The following MYO1C variants were observed in gnomAD, a reference collection of about 807,000 sequenced individuals.
MYO1C encodes the protein unconventional myosin-Ic.
Under a neutral mutation model 150.8 loss-of-function variants are expected in MYO1C, and 104 were observed. The ratio of observed to expected loss-of-function variants is 0.69; its 90% CI spans 0.59 to 0.81. The LOEUF (loss-of-function observed/expected upper bound fraction) is 0.81. Ranked by LOEUF, MYO1C falls within the 30% of genes least tolerant of loss-of-function variation. The pLI, the probability that MYO1C is intolerant of heterozygous loss-of-function variation, is 0.00. For missense variants in MYO1C, 1,504 were observed against 1,435.0 expected (o/e 1.05, Z -0.78); for synonymous variants, 663 against 579.9 (o/e 1.14, Z -2.06).
Position 1,471,220 on chromosome 17 carries a change from C to A in MYO1C, c.2135+3G>T. ...GCAGGCACCCGGCACGGACACTACC[C>A]ACCTGCCCATCTTGTACTCTTCTGG... On this transcript the variant is annotated splice_donor_region_variant and intron_variant, in intron 20 of 31. Coordinates refer to ENST00000648651, the MANE Select transcript of MYO1C (RefSeq NM_001080779.2). 1 of 1,613,956 alleles carries A rather than the reference C, an allele frequency of 6.2e-7. No individual in the cohort carries two copies. The highest frequency in any genetic ancestry group is 8.5e-7 in the Non-Finnish European group (1 of 1,179,940).
chr17:1,484,390 CG>C (rs1198315447), intron 1 of MYO1C, 87 bp from the exon 2 acceptor site: 7 of 1,521,006 alleles, frequency 4.6e-6, no homozygotes, highest in Non-Finnish European at 6.3e-6. Context: ...TGAGAGGGAA[CG>C]TAGGGGCTTG....
At position 1,480,717 on chromosome 17, in the gene MYO1C, A is replaced by C; in HGVS notation, c.796T>G (p.Tyr266Asp). 6 of 1,614,122 alleles carry C rather than the reference A, an allele frequency of 3.7e-6. No homozygotes were observed. The highest frequency in any genetic ancestry group is 5.1e-6 in the Non-Finnish European group (6 of 1,179,988). The change falls in exon 6 of 32, where the codon TAC becomes GAC. Residue 266 changes from tyrosine (Y) to aspartate (D), a missense_variant. Tyr to Asp is a radical substitution (Grantham distance 160). Coordinates refer to ENST00000648651, the MANE Select transcript of MYO1C (RefSeq NM_001080779.2). Reference sequence around the variant, plus strand: ...TGCCAGCCACTCACCTTCACCAGGTACAGGTAGCTCTGGGGGTTCCGTTCC... The same window carrying C: ...TGCCAGCCACTCACCTTCACCAGGTCCAGGTAGCTCTGGGGGTTCCGTTCC... Reference protein sequence around the residue: ...GLERNPQSYLYLVKGQCAKVS... With the variant: ...GLERNPQSYLDLVKGQCAKVS...
chr17:1,482,341 TG>T, intron 5 of MYO1C, 136 bp downstream of exon 5: 1 of 813,400 alleles, frequency 1.2e-6, no homozygotes, highest in Non-Finnish European at 2.1e-6. Context: ...TTTATCACCC[TG>T]GAAGGCAGGA....
At chr17:1,483,548 T>C (rs778348036) in intron 3 of MYO1C, 62 bp downstream of exon 3, 1 of 1,206,156 alleles carries the variant, frequency 8.3e-7, no homozygotes, top group Non-Finnish European at 1.2e-6. Flanking sequence ...AGGTAAGGGT[T>C]GGGCGGGGTC....
Position 1,471,239 on chromosome 17 carries a change from C to A in MYO1C, c.2119G>T (p.Glu707Ter). 6.2e-7 allele frequency: 1 copy of A among 1,614,030 alleles called. No individual in the cohort carries two copies. The highest frequency in any genetic ancestry group is 8.5e-7 in the Non-Finnish European group (1 of 1,180,012). Reference protein sequence around the residue: ...LVRHLGYKPEEYKMGRTKIFI... With the variant: ...LVRHLGYKPE ...ACTACCCACCTGCCCATCTTGTACT[C>A]TTCTGGCTTGTAGCCCAGGTGTCGG... Residue 707 changes from glutamate (E) to a stop codon, truncating the protein, a stop_gained, in exon 20 of 32, where the codon GAG becomes TAG. Transcript: ENST00000648651. LOFTEE classifies it high-confidence loss of function.
chr17:1,468,404 A>T lies in MYO1C; in HGVS notation c.2703T>A (p.Leu901=). The change falls in exon 26 of 32, where the codon CTT becomes CTA. Residue 901 remains leucine, a splice_region_variant and synonymous_variant. Coordinates refer to ENST00000648651, the MANE Select transcript of MYO1C (RefSeq NM_001080779.2). ...AGTGCTGGAAAGTCAGGGGCTCACC[A>T]AGCCGAGTGCTGATGAAGAGCCTGG... ...SVPRLFISTR[L]GTDEISPRVL... is the part of the protein sequence containing the mutation. 1 of 1,614,012 alleles carries T rather than the reference A, an allele frequency of 6.2e-7. No homozygotes were observed. Among genetic ancestry groups the T allele is most frequent in the Non-Finnish European group, 8.5e-7 (1 of 1,179,900 alleles).
Position 1,477,576 on chromosome 17 carries a change from G to A in MYO1C, c.1503C>T (p.Pro501=), listed in dbSNP as rs750094752. Residue 501 remains proline, a synonymous_variant, in exon 14 of 32, where the codon CCC becomes CCT. Transcript: ENST00000648651. ...GGAAGGTCAGGTCTGTGGCCTCCCC[G>A]GGGCGCAGACACTCCTCATCCTGGG... ...ISILDEECLR[P]GEATDLTFLE... 28 of 1,613,338 alleles carry A rather than the reference G, an allele frequency of 1.7e-5. No homozygotes were observed. The highest frequency in any genetic ancestry group is 1.6e-4 in the Middle Eastern group (1 of 6,084).
chr17:1,479,561 C>A lies in MYO1C; in HGVS notation c.1020+31G>T. 7.4e-7 allele frequency: 1 copy of A among 1,351,844 alleles called. No individual in the cohort carries two copies. 83.7% of individuals were successfully genotyped at this position (1,351,844 alleles called of 1,614,324 possible). On this transcript the variant is annotated intron_variant, in intron 8 of 31. Coordinates refer to ENST00000648651, the MANE Select transcript of MYO1C (RefSeq NM_001080779.2). The surrounding 1 kb of genome is among the most constrained non-coding windows in gnomAD (Gnocchi z 4.2). ...CACCCCCAGCCCCCGCCCCCGCCGT[C>A]CTCCCGTCGCCCTCTGCCCGCCCCA...
chr17:1,492,508 C>T lies in MYO1C; in HGVS notation c.-21G>A. 1.3e-6 allele frequency: 2 copies of T among 1,585,746 alleles called. No individual in the cohort carries two copies. The highest frequency in any genetic ancestry group is 2.3e-5 in the East Asian group (1 of 42,862). On this transcript the variant is annotated 5_prime_UTR_variant, in exon 1 of 32. Transcript: ENST00000648651. Reference sequence around the variant, plus strand: ...GCCATTCCGCCCTGCGGAGAGCCAGCGGCCTGGGCACCGCGGCCTGTGAGC... The same window carrying T: ...GCCATTCCGCCCTGCGGAGAGCCAGTGGCCTGGGCACCGCGGCCTGTGAGC...
rs572401621 is a variant in MYO1C at position 1,478,972 on chromosome 17, C to T, written c.1093-237G>A. Among the ~76,000 whole-genome samples, 8 of 152,098 alleles carry T rather than the reference C, an allele frequency of 5.3e-5. No homozygotes were observed. In the South Asian group the frequency reaches 6.2e-4, roughly 12 times the overall value. ...CCCGAGGTGGGAGTCTGGTTCTAGC[C>T]GGACTGTTACTCTCTTCCTATGTGA... On this transcript the variant is annotated intron_variant, in intron 9 of 31. Coordinates refer to ENST00000648651, the MANE Select transcript of MYO1C (RefSeq NM_001080779.2). This position sits in a 1 kb window ranked among gnomAD's most constrained non-coding sequence, Gnocchi z 6.3.
chr17:1,482,662 C>A (rs2074548476), intron 4 of MYO1C, 104 bp from the exon 5 acceptor site: 1 of 752,946 alleles, frequency 1.3e-6, no homozygotes, highest in Non-Finnish European at 2.0e-6. Context: ...CTGGGCTTCT[C>A]TCCCTGCCCC....
In MYO1C at chr17:1,471,939, G is replaced by C. The variant is rs150850233; in HGVS notation, c.1989C>G (p.Ala663=). The stretch of plus-strand genomic sequence containing the variant: ...GGAAAGCTTCGTATTTGCGGCGATA[G>C]GCAAAGCCGGCTCTGCGCACGCGCA... ...ENLRVRRAGF[A]YRRKYEAFLQ... The change falls in exon 19 of 32, where the codon GCC becomes GCG. Residue 663 remains alanine (A), a synonymous_variant. Coordinates refer to ENST00000648651, the MANE Select transcript of MYO1C (RefSeq NM_001080779.2). The C allele has an allele frequency of 1.2e-6, 2 of 1,614,044 alleles. No individual in the cohort carries two copies. The highest frequency in any genetic ancestry group is 1.7e-6 in the Non-Finnish European group (2 of 1,180,042).
chr17:1,485,040 C>T (rs2074622881), intron 1 of MYO1C: 1 of 1,134,750 alleles, frequency 8.8e-7, no homozygotes, highest in Non-Finnish European at 1.2e-6. Flanking sequence ...GCTGGGGCCA[C>T]TCCCTTTCCT....
chr17:1,468,072 G>C lies in MYO1C; in HGVS notation c.2812C>G (p.Arg938Gly). Residue 938 changes from arginine to glycine, a missense_variant, in exon 28 of 32, where the codon CGG (arginine) becomes GGG (glycine). Coordinates refer to ENST00000648651, the MANE Select transcript of MYO1C (RefSeq NM_001080779.2). ...GCGTTGGGCGTGAGCAGCAGCTGCC[G>C]GGAGCGAGGCTTGTAGCCCTTGCGG... is the stretch of plus-strand genomic sequence containing the variant. ...YDRKGYKPRS[R>G]QLLLTPNAVV... is the part of the protein sequence containing the mutation. 1 of 1,613,472 alleles carries C rather than the reference G, an allele frequency of 6.2e-7. No homozygotes were observed. The highest frequency in any genetic ancestry group is 1.1e-5 in the South Asian group (1 of 91,052).
intron 1 of MYO1C, 33 bp from the exon 2 acceptor site, chr17:1,484,336 G>A (rs2074605582): frequency 2.5e-6 from 4 of 1,604,102 alleles, no homozygotes; most frequent in South Asian, 1.1e-5. Context: ...GAGGGTCAGA[G>A]TCATCGGGGG....
intron 14 of MYO1C, among the ~76,000 whole-genome samples, chr17:1,476,855 T>G (rs187078451): frequency 0.019 from 2,932 of 152,102 alleles, 87 homozygotes; most frequent in African/African-American, 0.065. Context: ...TTTTTTTTTT[T>G]GGGGTTGAAG....
Position 1,472,022 on chromosome 17 carries a change from G to A in MYO1C, c.1906C>T (p.Arg636Cys), listed in dbSNP as rs765070239. 16 of 1,613,886 alleles carry A rather than the reference G, an allele frequency of 9.9e-6. No individual in the cohort carries two copies. Among genetic ancestry groups the A allele is most frequent in the African/African-American group, 2.7e-5 (2 of 74,938 alleles). ...IKPNDAKQPG[R>C]FDEVLIRHQV... ...TGGCGGATCAGCACCTCGTCAAAGC[G>A]GCCTGGGGTAGGGGGAGCGCCGTGG... is the stretch of plus-strand genomic sequence containing the variant. The change falls in exon 19 of 32, where the codon CGC (arginine) becomes TGC (cysteine). Residue 636 changes from arginine to cysteine, a missense_variant and splice_region_variant. Coordinates refer to ENST00000648651, the MANE Select transcript of MYO1C (RefSeq NM_001080779.2).
At chr17:1,470,357 G>A in intron 23 of MYO1C, 23 bp from the exon 24 acceptor site, 1 of 1,529,646 alleles carries the variant, frequency 6.5e-7, no homozygotes, top group South Asian at 1.2e-5. Flanking sequence ...GCCAGACAGG[G>A]TTGGGGGTGA....
At chr17:1,484,015 C>G (rs1453614021) in intron 2 of MYO1C, 133 bp downstream of exon 2, 20 of 1,197,246 alleles carry the variant, frequency 1.7e-5, no homozygotes, top group Non-Finnish European at 2.2e-5. Flanking sequence ...GCACTCCAGC[C>G]TGGGCAACAA....
Sources: allele counts gnomAD v4.1 joint callset (sites outside exome capture counted in the v4.1 genomes callset), GRCh38; gene constraint gnomAD v4.1.1; non-coding constraint Gnocchi (gnomAD v3.1); transcripts MANE v1.5; gene names NCBI Gene and HGNC (gene_info 2026-07-23, HGNC 2026-07-21).